Variants in BCL7B observed in about 807,000 individuals in gnomAD.
BCL7B encodes the protein BAF chromatin remodeling complex subunit BCL7B.
Under a neutral mutation model 26.5 loss-of-function variants are expected in BCL7B, and 11 were observed. The ratio of observed to expected loss-of-function variants is 0.42; its 90% CI spans 0.26 to 0.69. The LOEUF (loss-of-function observed/expected upper bound fraction) is 0.69, where lower values mean the gene tolerates loss of function less well. Among genes scored for constraint, BCL7B ranks in the 30% least tolerant of loss-of-function variants. The probability of loss-of-function intolerance (pLI) is 0.28; values close to 1 mark genes in which losing one functional copy is unlikely to be tolerated. For synonymous variants in BCL7B, 111 were observed against 107.9 expected, an observed-to-expected ratio of 1.03 and a Z score of -0.18; for missense variants, 215 against 264.4, an observed-to-expected ratio of 0.81 and a Z score of 1.30.
chr7:73,557,062 G>A, intron 1 of BCL7B: 6 of 988,026 alleles, frequency 6.1e-6, no homozygotes, highest in Non-Finnish European at 7.2e-6. Flanking sequence ...GCCTGAATAC[G>A]CAGAGCGCTC....
At chr7:73,544,599 C>CT (rs1791889003) in intron 2 of BCL7B, among the ~76,000 whole-genome samples, 1 of 151,992 alleles carries the variant, frequency 6.6e-6, no homozygotes, top group African/African-American at 2.4e-5. Flanking sequence ...TCATAACAGC[C>CT]TGGGCGAAAG....
At chr7:73,547,657 A>C (rs1218495894) in intron 2 of BCL7B, among the ~76,000 whole-genome samples, 4 of 152,250 alleles carry the variant, frequency 2.6e-5, no homozygotes, top group African/African-American at 9.6e-5. Flanking sequence ...AAAGAAAATA[A>C]TTTTGAACCT....
intron 2 of BCL7B, among the ~76,000 whole-genome samples, chr7:73,551,745 A>ACT (rs1792180431): frequency 6.6e-6 from 1 of 152,218 alleles, no homozygotes; most frequent in African/African-American, 2.4e-5. Context: ...ATGGACCAAT[A>ACT]ACAGGGTACC....
At chr7:73,543,403 C>G (rs1211951143) in intron 3 of BCL7B, 145 bp downstream of exon 3, 2 of 707,340 alleles carry the variant, frequency 2.8e-6, no homozygotes, top group African/African-American at 3.6e-5. Context: ...GTCTTGAACT[C>G]CTGACCTCAG....
chr7:73,548,057 G>T (rs1455374480), intron 2 of BCL7B, among the ~76,000 whole-genome samples: 1 of 152,130 alleles, frequency 6.6e-6, no homozygotes, highest in Non-Finnish European at 1.5e-5. Flanking sequence ...GGCGGAGGCT[G>T]CAGTGAGCCA....
At chr7:73,544,481 C>T (rs955943724) in intron 2 of BCL7B, among the ~76,000 whole-genome samples, 1 of 151,748 alleles carries the variant, frequency 6.6e-6, no homozygotes, top group Admixed American at 6.6e-5. Context: ...CAAAAATGAG[C>T]CTGGCATGGT....
At chr7:73,555,995 C>G (rs1554584672) in intron 1 of BCL7B, among the ~76,000 whole-genome samples, 2 of 152,064 alleles carry the variant, frequency 1.3e-5, no homozygotes, top group Admixed American at 1.3e-4. Flanking sequence ...TACAGGGAGG[C>G]TGGTACAGAG....
At chr7:73,546,022 C>T (rs1191070231) in intron 2 of BCL7B, among the ~76,000 whole-genome samples, 2 of 150,996 alleles carry the variant, frequency 1.3e-5, no homozygotes, top group African/African-American at 2.4e-5. Flanking sequence ...GTCCCAGCTA[C>T]TTGGGAGGCT....
intron 3 of BCL7B, among the ~76,000 whole-genome samples, chr7:73,542,233 G>A (rs543241720): frequency 7.2e-5 from 11 of 152,352 alleles, no homozygotes; most frequent in African/African-American, 2.6e-4. Context: ...TGAAAAGGAG[G>A]AGATGGTGGC....
At chr7:73,547,406 T>A (rs1363008996) in intron 2 of BCL7B, among the ~76,000 whole-genome samples, 1 of 151,996 alleles carries the variant, frequency 6.6e-6, no homozygotes, top group Non-Finnish European at 1.5e-5. Flanking sequence ...GAGGCTACAG[T>A]GAACCATCAT....
Position 73,539,987 on chromosome 7 carries a change from AGTTGGT to A in BCL7B, c.325_330del (p.Thr109_Asn110del). Reference sequence around the variant, plus strand: ...TCACTCTGCTGGGGGCTGGGGCTTGAGTTGGTGCTGCTGTCCACCTTAAGCTGATAG... The same window carrying A: ...TCACTCTGCTGGGGGCTGGGGCTTGAGCTGCTGTCCACCTTAAGCTGATAG... On this transcript the variant is annotated inframe_deletion, in exon 4 of 6. Coordinates refer to ENST00000223368, the MANE Select transcript of BCL7B (RefSeq NM_001707.4). The A allele has an allele frequency of 6.2e-7, 1 of 1,613,942 alleles. No individual in the cohort carries two copies.
chr7:73,554,635 TAAAAATAC>T (rs782790483), intron 1 of BCL7B, among the ~76,000 whole-genome samples: 4 of 151,258 alleles, frequency 2.6e-5, no homozygotes, highest in Non-Finnish European at 4.4e-5. Flanking sequence ...CTGTCCTCAC[TAAAAATAC>T]AAAAATTAGC....
In BCL7B at chr7:73,545,706, G is replaced by A. The variant is rs117945040; in HGVS notation, c.169-2062C>T. Among the ~76,000 whole-genome samples, 492 of 152,270 alleles carry A rather than the reference G, an allele frequency of 3.2e-3. 13 individuals are homozygous for A. The East Asian group carries it at 0.058, about 18-fold the overall frequency. ...TTGGCATCCTAGAACTTCTTGGGAT[G>A]GCTGCTCTCAGATAAAGGCAGAGTC... On this transcript the variant is annotated intron_variant, in intron 2 of 5. Coordinates refer to ENST00000223368, the MANE Select transcript of BCL7B (RefSeq NM_001707.4).
Position 73,537,311 on chromosome 7 carries a change from G to C in BCL7B, c.596C>G (p.Ala199Gly). The C allele has an allele frequency of 6.2e-7, 1 of 1,614,004 alleles. No individual in the cohort carries two copies. Among genetic ancestry groups the C allele is most frequent in the Non-Finnish European group, 8.5e-7 (1 of 1,179,940 alleles). ...CVDQPTVPQT[A>G]SES ...GCCGGGATGGTGCTAGCTTTCTGACGCCGTCTGCGGCACTGTGGGTTGGTC... is the reference window on the plus strand; with the variant it reads ...GCCGGGATGGTGCTAGCTTTCTGACCCCGTCTGCGGCACTGTGGGTTGGTC... Residue 199 changes from alanine (A) to glycine (G), a missense_variant, in exon 6 of 6, where the codon GCG (alanine) becomes GGG (glycine). Physicochemically the swap from Ala to Gly is moderately conservative, Grantham distance 60 (BLOSUM62 0). Transcript: ENST00000223368.
chr7:73,540,155 G>A, intron 3 of BCL7B, 103 bp from the exon 4 acceptor site: 1 of 1,230,896 alleles, frequency 8.1e-7, no homozygotes, highest in Non-Finnish European at 1.1e-6. Context: ...GGCAGCCAAG[G>A]ATACAACTGA....
At chr7:73,549,210 A>G (rs1554583813) in intron 2 of BCL7B, among the ~76,000 whole-genome samples, 1 of 152,200 alleles carries the variant, frequency 6.6e-6, no homozygotes, top group Non-Finnish European at 1.5e-5. Context: ...GGAGAACCAG[A>G]AAAATAAACT....
At chr7:73,556,130 C>A (rs1792351966) in intron 1 of BCL7B, among the ~76,000 whole-genome samples, 1 of 151,988 alleles carries the variant, frequency 6.6e-6, no homozygotes, top group Non-Finnish European at 1.5e-5. Flanking sequence ...TAAAGGTGGA[C>A]GAGGAAAACC....
In BCL7B at chr7:73,553,996, G is replaced by A. The variant is rs759889090; in HGVS notation, c.93-1754C>T. ...TTTTTTTTTTTTTTTTTTTGAGATA[G>A]GGTCTCCGTCACCCAGGCTGGAGTG... On this transcript the variant is annotated intron_variant, in intron 1 of 5. Transcript: ENST00000223368. 8.8e-5 allele frequency among the ~76,000 whole-genome samples: 13 copies of A among 147,612 alleles called. 1 individual carries two copies. Among genetic ancestry groups the A allele is most frequent in the Non-Finnish European group, 1.6e-4 (11 of 67,054 alleles).
At chr7:73,544,455 T>C (rs1554583270) in intron 2 of BCL7B, among the ~76,000 whole-genome samples, 1 of 149,314 alleles carries the variant, frequency 6.7e-6, no homozygotes, top group African/African-American at 2.5e-5. Context: ...AATAAATAAA[T>C]AAATAAATAA....
Sources: gnomAD v4.1 joint callset for allele counts (sites outside exome capture counted in the v4.1 genomes callset) on GRCh38, gnomAD v4.1.1 for gene constraint, MANE v1.5 for transcripts, NCBI Gene and HGNC (gene_info 2026-07-23, HGNC 2026-07-21) for gene names.